Variants in DNAJA3 observed in about 807,000 individuals in gnomAD.
The protein encoded by DNAJA3 is DnaJ heat shock protein family (Hsp40) member A3.
A neutral mutation model predicts 54.9 loss-of-function variants in DNAJA3; 29 were observed. The observed-to-expected ratio is 0.53, with a 90% CI of 0.39 to 0.72. DNAJA3 has a LOEUF of 0.72. Among genes scored for constraint, DNAJA3 ranks in the 30% least tolerant of loss-of-function variants. The pLI is 0.00. For synonymous variants in DNAJA3, 302 were observed against 251.4 expected (o/e 1.20, Z -1.90); for missense variants, 708 against 639.4 (o/e 1.11, Z -1.16).
At chr16:4,439,527 C>G (rs2056814404) in intron 3 of DNAJA3, among the ~76,000 whole-genome samples, 1 of 152,092 alleles carries the variant, frequency 6.6e-6, no homozygotes, top group Non-Finnish European at 1.5e-5. Context: ...CCAGAAGATT[C>G]AATTTTTAAT....
At chr16:4,430,101 G>A (rs2141368873) in intron 1 of DNAJA3, among the ~76,000 whole-genome samples, 1 of 151,698 alleles carries the variant, frequency 6.6e-6, no homozygotes, top group South Asian at 2.1e-4. Flanking sequence ...TGGAGTCCAG[G>A]AATTTGAATT....
chr16:4,429,640 G>A (rs965440761), intron 1 of DNAJA3, among the ~76,000 whole-genome samples: 2 of 152,192 alleles, frequency 1.3e-5, no homozygotes, highest in African/African-American at 4.8e-5. Flanking sequence ...TTTGAGACCA[G>A]CCTGATCAAC....
rs780183271 is a variant in DNAJA3, at chr16:4,455,672, G to A, written c.*140G>A. ...ACCCGCAGAGCCTCTGGACGGCCTT[G>A]GCAACAGCAAAATCATGGGACAACA... On this transcript the variant is annotated 3_prime_UTR_variant, in exon 12 of 12. Transcript: ENST00000262375. 1.0e-5 allele frequency: 14 copies of A among 1,345,658 alleles called. 1 individual carries two copies. The highest frequency in any genetic ancestry group is 1.0e-4 in the Admixed American group (5 of 49,248). 83.4% of individuals were successfully genotyped at this position (1,345,658 alleles called of 1,614,324 possible).
In DNAJA3 at chr16:4,436,176, T is replaced by C. The variant is rs554986161; in HGVS notation, c.346-1226T>C. ...ACTTTTAACTGGGTTGTCTTTTTTTTTTAATTGGGTTGTAATGGAATGAAC... is the reference window on the plus strand; with the variant it reads ...ACTTTTAACTGGGTTGTCTTTTTTTCTTAATTGGGTTGTAATGGAATGAAC... On this transcript the variant is annotated intron_variant, in intron 2 of 11. Transcript: ENST00000262375. Among the ~76,000 whole-genome samples, 9 of 152,326 alleles carry C rather than the reference T, an allele frequency of 5.9e-5. No individual in the cohort carries two copies. The East Asian group carries it at 1.7e-3, about 29-fold the overall frequency.
At chr16:4,438,738 A>G (rs959758196) in intron 3 of DNAJA3, among the ~76,000 whole-genome samples, 2 of 150,352 alleles carry the variant, frequency 1.3e-5, no homozygotes, top group East Asian at 2.0e-4. Flanking sequence ...CAGCCTCTCA[A>G]ATTGCTAGGA....
At chr16:4,442,014 T>G (rs2056842290) in intron 4 of DNAJA3, among the ~76,000 whole-genome samples, 11 of 152,200 alleles carry the variant, frequency 7.2e-5, no homozygotes, top group Admixed American at 7.2e-4. Context: ...GTACGAGTAT[T>G]TATCTGTGAA....
At chr16:4,444,009 T>G (rs2056871447) in intron 6 of DNAJA3, among the ~76,000 whole-genome samples, 1 of 152,176 alleles carries the variant, frequency 6.6e-6, no homozygotes, top group Admixed American at 6.5e-5. Context: ...TTTAGATGTC[T>G]GTTTCTCTAG....
At chr16:4,429,621 A>T (rs1411229885) in intron 1 of DNAJA3, among the ~76,000 whole-genome samples, 2 of 152,040 alleles carry the variant, frequency 1.3e-5, no homozygotes, top group Non-Finnish European at 2.9e-5. Flanking sequence ...GATCACCTGA[A>T]GTCAGGAGTT....
intron 2 of DNAJA3, 132 bp downstream of exon 2, chr16:4,434,649 T>G: frequency 7.9e-6 from 9 of 1,134,040 alleles, no homozygotes; most frequent in Non-Finnish European, 9.8e-6. Context: ...AAGGGTGTGA[T>G]AAAGCTGGAC....
rs200303451 is a variant in DNAJA3, at chr16:4,446,927, C to A, written c.1038C>A (p.Ile346=). 4.1e-5 allele frequency: 66 copies of A among 1,614,184 alleles called. No homozygotes were observed. The African/African-American group carries it at 7.5e-4, about 18-fold the overall frequency. Residue 346 remains isoleucine, a synonymous_variant, in exon 8 of 12, where the codon ATC becomes ATA. Transcript: ENST00000262375. Reference sequence around the variant, plus strand: ...TGTTCCGGAGGGACGGCGCAGACATCCACTCCGACCTCTTTATTTCTATAG... The same window carrying A: ...TGTTCCGGAGGGACGGCGCAGACATACACTCCGACCTCTTTATTTCTATAG... ...SPVFRRDGAD[I]HSDLFISIAQ...
In DNAJA3 at chr16:4,455,909, T is replaced by G; in HGVS notation, c.*377T>G. 2.4e-6 allele frequency: 1 copy of G among 415,024 alleles called. No homozygotes were observed. Among genetic ancestry groups the G allele is most frequent in the East Asian group, 3.8e-5 (1 of 26,382 alleles). The allele number at this position is 415,024 out of a possible 1,614,324, so 25.7% of individuals were successfully genotyped here. A position where few individuals can be genotyped will look rare whatever the true frequency, so the allele number is the denominator to read the frequency against. On this transcript the variant is annotated 3_prime_UTR_variant, in exon 12 of 12. Coordinates refer to ENST00000262375, the MANE Select transcript of DNAJA3 (RefSeq NM_005147.6). ...ATGCTTACAGCTTAGAAATGAAGCC[T>G]TAAGCTGCATCAAGTTACGAAGTGA...
At chr16:4,435,269 A>G (rs991121888) in intron 2 of DNAJA3, among the ~76,000 whole-genome samples, 2 of 152,018 alleles carry the variant, frequency 1.3e-5, no homozygotes, top group African/African-American at 4.8e-5. Context: ...AGGGTAGCTG[A>G]GTAAAGTTGT....
intron 3 of DNAJA3, among the ~76,000 whole-genome samples, chr16:4,438,880 G>A (rs772557029): frequency 1.3e-5 from 2 of 151,822 alleles, no homozygotes; most frequent in African/African-American, 4.8e-5. Flanking sequence ...AATCTTTTTT[G>A]AGTAAATATC....
Position 4,454,460 on chromosome 16 carries a change from T to C in DNAJA3, c.1340-351T>C, listed in dbSNP as rs554364347. On this transcript the variant is annotated intron_variant, in intron 10 of 11. Coordinates refer to ENST00000262375, the MANE Select transcript of DNAJA3 (RefSeq NM_005147.6). ...TCTGTGAAATTTGCCTGTAAGGAAG[T>C]GTATGGCCTGGCCTGGGAGGTGCCT... is the stretch of plus-strand genomic sequence containing the variant. Among the ~76,000 whole-genome samples the C allele has an allele frequency of 5.9e-5, 9 of 152,314 alleles. No individual in the cohort carries two copies. The South Asian group carries it at 1.9e-3, about 32-fold the overall frequency.
intron 3 of DNAJA3, among the ~76,000 whole-genome samples, chr16:4,439,505 T>C (rs563285871): frequency 2.6e-5 from 4 of 152,256 alleles, no homozygotes; most frequent in Non-Finnish European, 4.4e-5. Context: ...GACTACAGGT[T>C]CCCCACTGCA....
chr16:4,442,203 A>G (rs1357285385), intron 4 of DNAJA3, 65 bp from the exon 5 acceptor site: 4 of 1,496,590 alleles, frequency 2.7e-6, no homozygotes, highest in African/African-American at 2.8e-5. Flanking sequence ...CTTTCCCTTT[A>G]GAGCCGAGCG....
Position 4,446,915 on chromosome 16 carries a change from C to A in DNAJA3, c.1026C>A (p.Asp342Glu), listed in dbSNP as rs139593728. ...RVQKSPVFRR[D>E]GADIHSDLFI... ...AGAAAAGCCCTGTGTTCCGGAGGGA[C>A]GGCGCAGACATCCACTCCGACCTCT... The change falls in exon 8 of 12, where the codon GAC (aspartate) becomes GAA (glutamate). Residue 342 changes from aspartate to glutamate, a missense_variant. By Grantham distance (45) the Asp-to-Glu change is conservative (BLOSUM62 2). Coordinates refer to ENST00000262375, the MANE Select transcript of DNAJA3 (RefSeq NM_005147.6). 1.2e-6 allele frequency: 2 copies of A among 1,614,112 alleles called. No homozygotes were observed. Among genetic ancestry groups the A allele is most frequent in the South Asian group, 2.2e-5 (2 of 91,068 alleles).
chr16:4,453,789 C>T (rs538165614), intron 10 of DNAJA3, among the ~76,000 whole-genome samples: 25 of 152,288 alleles, frequency 1.6e-4, no homozygotes, highest in African/African-American at 5.1e-4. Flanking sequence ...CACCCCTTCC[C>T]GGGGACCTGT....
intron 9 of DNAJA3, among the ~76,000 whole-genome samples, chr16:4,449,385 C>T (rs1292931963): frequency 6.7e-6 from 1 of 148,768 alleles, no homozygotes; most frequent in East Asian, 2.0e-4. Context: ...TGATTTTCTT[C>T]TTTTTTTTTT....
Sources: allele counts gnomAD v4.1 joint callset (sites outside exome capture counted in the v4.1 genomes callset), GRCh38; gene constraint gnomAD v4.1.1; transcripts MANE v1.5; gene names NCBI Gene and HGNC (gene_info 2026-07-23, HGNC 2026-07-21).